Variants in ZNF81 observed in about 807,000 individuals in gnomAD.
ZNF81 encodes zinc finger protein 81 (HFZ20).
In ZNF81, 5 loss-of-function variants were observed where a neutral mutation model predicts 32.3. The ratio of observed to expected loss-of-function variants is 0.15; its 90% confidence interval spans 0.08 to 0.33. ZNF81 has a LOEUF of 0.33. Ranked by LOEUF, ZNF81 falls within the 10% of genes least tolerant of loss-of-function variation. The pLI is 1.00. For synonymous variants in ZNF81, 163 were observed against 166.8 expected (o/e 0.98, Z 0.17); for missense variants, 379 against 479.8 (o/e 0.79, Z 1.96).
rs1556891967 is a variant in ZNF81 at position 47,921,913 on chromosome X, GA to G, written c.*5284del. On this transcript the variant is annotated 3_prime_UTR_variant, in exon 5 of 5. Transcript: ENST00000338637. ...GAGCCATACGAATTCCTGACCCATAGAAACTGCAAGACAATAAATGTTGTTT... is the reference window on the plus strand; with the variant it reads ...GAGCCATACGAATTCCTGACCCATAGAACTGCAAGACAATAAATGTTGTTT... The G allele has an allele frequency of 9.0e-6, 1 of 111,460 alleles. No homozygotes were observed. Among genetic ancestry groups the G allele is most frequent in the Non-Finnish European group, 1.9e-5 (1 of 53,116 alleles). 9.2% of individuals were successfully genotyped at this position (111,460 alleles called of 1,213,427 possible).
intron 2 of ZNF81, among the ~76,000 whole-genome samples, chrX:47,854,988 G>A (rs2058510538): frequency 9.2e-6 from 1 of 109,250 alleles, no homozygotes; most frequent in African/African-American, 3.3e-5. Flanking sequence ...CTAGCTACTC[G>A]GGAGGCTGAA....
At position 47,852,911 on chromosome X, in the gene ZNF81, C is replaced by T. The variant is rs192516441; in HGVS notation, c.54+6590C>T. 8.0e-5 allele frequency among the ~76,000 whole-genome samples: 9 copies of T among 112,638 alleles called. No individual in the cohort carries two copies. In the East Asian group the frequency reaches 2.0e-3, roughly 24 times the overall value. On this transcript the variant is annotated intron_variant, in intron 2 of 4. Transcript: ENST00000338637. ...CTGTGGCAGCTATAGTCTTACAAAA[C>T]GTATTTCTTAAATAAGACTTGAAAG...
chrX:47,890,438 A>T (rs782653487), intron 3 of ZNF81, among the ~76,000 whole-genome samples: 1 of 112,289 alleles, frequency 8.9e-6, no homozygotes, highest in African/African-American at 3.2e-5. Context: ...GCCAAAAATT[A>T]TTTCTCAAAA....
intron 2 of ZNF81, among the ~76,000 whole-genome samples, chrX:47,870,113 A>G (rs1556883730): frequency 8.9e-6 from 1 of 112,124 alleles, no homozygotes; most frequent in African/African-American, 3.2e-5. Context: ...CCTGGTTGAA[A>G]AAGGTGGCAG....
intron 4 of ZNF81, among the ~76,000 whole-genome samples, chrX:47,898,154 C>T (rs1413679915): frequency 1.8e-5 from 2 of 111,417 alleles, no homozygotes; most frequent in African/African-American, 6.5e-5. Context: ...GATAATTCCA[C>T]TGGGCTCTAG....
intron 2 of ZNF81, among the ~76,000 whole-genome samples, chrX:47,881,466 C>T (rs1263388554): frequency 2.7e-5 from 3 of 112,239 alleles, no homozygotes; most frequent in Non-Finnish European, 3.8e-5. Flanking sequence ...CCCAGATAGT[C>T]GCTGCCTACC....
rs2058650317 is a variant in ZNF81 at position 47,888,317 on chromosome X, C to T, written c.181+192C>T. ...GGCTTTAATCTAATATAATTGGTGT[C>T]CTTATAAAAAGGAGAAAACTGGACA... is the stretch of plus-strand genomic sequence containing the variant. On this transcript the variant is annotated intron_variant, in intron 3 of 4. Coordinates refer to ENST00000338637, the MANE Select transcript of ZNF81 (RefSeq NM_007137.5). 3 of 568,448 alleles carry T rather than the reference C, an allele frequency of 5.3e-6. No homozygotes were observed. The Admixed American group carries it at 1.1e-4, about 21-fold the overall frequency. The allele number at this position is 568,448 out of a possible 1,213,427, so 46.8% of individuals were successfully genotyped here.
At position 47,915,307 on chromosome X, in the gene ZNF81, A is replaced by G; in HGVS notation, c.661A>G (p.Ile221Val). Residue 221 changes from isoleucine to valine, a missense_variant, in exon 5 of 5, where the codon ATT (isoleucine) becomes GTT (valine). Around this residue, in one of 2 missense-constraint regions of ZNF81, gnomAD observed 277 missense variants for 306.6 expected, o/e 0.90. Coordinates refer to ENST00000338637, the MANE Select transcript of ZNF81 (RefSeq NM_007137.5). ...SNAAKNLDKT[I>V]GHGQVFTQNS... is the part of the protein sequence containing the mutation. ...TGCAGCAAAGAACCTGGATAAAACT[A>G]TTGGGCATGGTCAAGTTTTTACCCA... 1.7e-6 allele frequency: 2 copies of G among 1,211,783 alleles called. No individual in the cohort carries two copies. The highest frequency in any genetic ancestry group is 2.2e-6 in the Non-Finnish European group (2 of 895,495).
chrX:47,861,910 T>A (rs782561241), intron 2 of ZNF81, among the ~76,000 whole-genome samples: 7 of 112,107 alleles, frequency 6.2e-5, no homozygotes, highest in Non-Finnish European at 1.3e-4. Flanking sequence ...CCAGAATGTT[T>A]CCAGGGCCAA....
chrX:47,849,603 C>T (rs1205450192), intron 2 of ZNF81, among the ~76,000 whole-genome samples: 4 of 108,364 alleles, frequency 3.7e-5, no homozygotes, highest in African/African-American at 6.7e-5. Context: ...ACCCAGGAGG[C>T]GGAGGTTGCA....
At position 47,918,371 on chromosome X, in the gene ZNF81, G is replaced by A. The variant is rs2058764615; in HGVS notation, c.*1739G>A. ...GAAATAGTTCAGTTGGTGCTTAGGA[G>A]ACCATCTCAGCTAAACTTAAGGGCT... On this transcript the variant is annotated 3_prime_UTR_variant, in exon 5 of 5. Coordinates refer to ENST00000338637, the MANE Select transcript of ZNF81 (RefSeq NM_007137.5). 1 of 111,133 alleles carries A rather than the reference G, an allele frequency of 9.0e-6. No individual in the cohort carries two copies. Among genetic ancestry groups the A allele is most frequent in the African/African-American group, 3.3e-5 (1 of 30,556 alleles). 9.2% of individuals were successfully genotyped at this position (111,133 alleles called of 1,213,427 possible). A position where few individuals can be genotyped will look rare whatever the true frequency, so the allele number is the denominator to read the frequency against.
At position 47,843,432 on chromosome X, in the gene ZNF81, T is replaced by TACACACACACACACACACAC. The variant is rs782116296; in HGVS notation, c.-163-2659_-163-2640dup. Among the ~76,000 whole-genome samples the TACACACACACACACACACAC allele has an allele frequency of 3.0e-3, 289 of 96,870 alleles. 3 individuals are homozygous for TACACACACACACACACACAC. The highest frequency in any genetic ancestry group is 8.4e-3 in the African/African-American group (223 of 26,668). 84.1% of individuals were successfully genotyped at this position (96,870 alleles called of 115,157 possible). A position where few individuals can be genotyped will look rare whatever the true frequency, so the allele number is the denominator to read the frequency against. On this transcript the variant is annotated intron_variant, in intron 1 of 4. Coordinates refer to ENST00000338637, the MANE Select transcript of ZNF81 (RefSeq NM_007137.5). ...AATTATCTTATGTTATTCCTATATC[T>TACACACACACACACACACAC]ACACACACACACACACACACACACA...
At chrX:47,837,813 C>G (rs1378365955) in intron 1 of ZNF81, among the ~76,000 whole-genome samples, 1 of 112,051 alleles carries the variant, frequency 8.9e-6, no homozygotes, top group Non-Finnish European at 1.9e-5. Context: ...TTTAATGCCT[C>G]TGGTTCCCTT....
chrX:47,858,650 C>T (rs1399206068), intron 2 of ZNF81, among the ~76,000 whole-genome samples: 2 of 111,761 alleles, frequency 1.8e-5, no homozygotes, highest in Non-Finnish European at 3.8e-5. Flanking sequence ...TTTGCTTATC[C>T]TTTTACCATC....
rs1310325621 is a variant in ZNF81 at position 47,919,885 on chromosome X, CCTGT to C, written c.*3257_*3260del. ...TATTAATCATAGTTATTTTTAACTC[CCTGT>C]CTGATAGTTCCAACTACTAGGTCAA... On this transcript the variant is annotated 3_prime_UTR_variant, in exon 5 of 5. Coordinates refer to ENST00000338637, the MANE Select transcript of ZNF81 (RefSeq NM_007137.5). The C allele has an allele frequency of 1.2e-3, 136 of 111,920 alleles. No individual in the cohort carries two copies. Among genetic ancestry groups the C allele is most frequent in the African/African-American group, 4.3e-3 (134 of 30,828 alleles). 9.2% of individuals were successfully genotyped at this position (111,920 alleles called of 1,213,427 possible).
intron 2 of ZNF81, among the ~76,000 whole-genome samples, chrX:47,853,914 G>A (rs952863569): frequency 8.9e-4 from 100 of 112,020 alleles, no homozygotes; most frequent in African/African-American, 3.1e-3. Context: ...TCCTTTGAAG[G>A]TTTGAAGCCA....
chrX:47,888,971 AC>A (rs2058652980), intron 3 of ZNF81, among the ~76,000 whole-genome samples: 1 of 111,960 alleles, frequency 8.9e-6, no homozygotes, highest in South Asian at 3.7e-4. Context: ...TATGTGATGA[AC>A]CTGAATATTT....
intron 2 of ZNF81, among the ~76,000 whole-genome samples, chrX:47,854,096 T>A (rs2058506429): frequency 8.9e-6 from 1 of 112,819 alleles, no homozygotes; most frequent in African/African-American, 3.2e-5. Flanking sequence ...ACAGCTTCTA[T>A]GTTAGCACTT....
At chrX:47,843,589 T>G (rs1360043394) in intron 1 of ZNF81, among the ~76,000 whole-genome samples, 1 of 111,824 alleles carries the variant, frequency 8.9e-6, no homozygotes, top group Non-Finnish European at 1.9e-5. Context: ...GTGATGCAAC[T>G]GTGGCTCACT....
Sources: gnomAD v4.1 joint callset for allele counts (sites outside exome capture counted in the v4.1 genomes callset) on GRCh38, gnomAD v4.1.1 for gene constraint, gnomAD v4.1.1 regional missense constraint, MANE v1.5 for transcripts, NCBI Gene and HGNC (gene_info 2026-07-23, HGNC 2026-07-21) for gene names.